Variants in PDPR observed in about 807,000 individuals in gnomAD.
PDPR encodes the protein pyruvate dehydrogenase phosphatase regulatory subunit, mitochondrial.
PDPR carries 50 observed loss-of-function variants against 102.2 expected under a neutral mutation model. That is an observed-to-expected ratio of 0.49 (90% CI 0.39 to 0.62). The LOEUF (loss-of-function observed/expected upper bound fraction) is 0.62, where lower values mean the gene tolerates loss of function less well. Among genes scored for constraint, PDPR ranks in the 20% least tolerant of loss-of-function variants. The probability of loss-of-function intolerance (pLI) is 0.00; values close to 1 mark genes in which losing one functional copy is unlikely to be tolerated. For synonymous variants in PDPR, 259 were observed against 406.0 expected, an observed-to-expected ratio of 0.64 and a Z score of 4.35; for missense variants, 625 against 1,098.2, an observed-to-expected ratio of 0.57 and a Z score of 6.09.
chr16:70,138,050 T>TTTA (rs1462792216), intron 10 of PDPR, among the ~76,000 whole-genome samples: 1 of 129,928 alleles, frequency 7.7e-6, no homozygotes, highest in East Asian at 2.2e-4. Flanking sequence ...TTTTTTTTTT[T>TTTA]TTTTTTTTGA....
intron 17 of PDPR, among the ~76,000 whole-genome samples, chr16:70,151,159 C>T (rs1439088536): frequency 6.6e-6 from 1 of 152,280 alleles, no homozygotes; most frequent in East Asian, 1.9e-4. Context: ...TGGTCTCAAT[C>T]GCCTGACCTC....
chr16:70,125,667 C>T (rs566596873), intron 3 of PDPR, among the ~76,000 whole-genome samples: 6 of 151,046 alleles, frequency 4.0e-5, no homozygotes, highest in African/African-American at 1.5e-4. Flanking sequence ...TGGAGTCTTG[C>T]TCTGTCACCC....
intron 6 of PDPR, among the ~76,000 whole-genome samples, 162 bp from the exon 7 acceptor site, chr16:70,130,261 C>G (rs1320656566): frequency 6.6e-6 from 1 of 152,284 alleles, no homozygotes; most frequent in Non-Finnish European, 1.5e-5. Context: ...ACACTCCACC[C>G]TTGGCGACAA....
chr16:70,156,272 A>G (rs1190207124), intron 18 of PDPR: 11 of 639,066 alleles, frequency 1.7e-5, no homozygotes, highest in Admixed American at 6.2e-5. Context: ...TGTTGTTACA[A>G]AAATTACCGC....
chr16:70,155,562 CT>C (rs1188228063), intron 18 of PDPR, among the ~76,000 whole-genome samples: 4 of 152,330 alleles, frequency 2.6e-5, no homozygotes, highest in African/African-American at 9.6e-5. Flanking sequence ...TGTATTTTTT[CT>C]TTTTTTAGTA....
At chr16:70,140,649 A>C (rs11864355) in intron 11 of PDPR, among the ~76,000 whole-genome samples, 7,036 of 150,664 alleles carry the variant, frequency 0.047, 167 homozygotes, top group African/African-American at 0.17. Flanking sequence ...CCCTGTCTCT[A>C]CTAAAAATAC....
rs1181602850 is a variant in PDPR at position 70,161,530 on chromosome 16, C to G, written c.*4651C>G. 2 of 152,656 alleles carry G rather than the reference C, an allele frequency of 1.3e-5. No homozygotes were observed. Among genetic ancestry groups the G allele is most frequent in the Non-Finnish European group, 2.9e-5 (2 of 68,318 alleles). 9.5% of individuals were successfully genotyped at this position (152,656 alleles called of 1,614,324 possible). A position where few individuals can be genotyped will look rare whatever the true frequency, so the allele number is the denominator to read the frequency against. On this transcript the variant is annotated 3_prime_UTR_variant, in exon 19 of 19. Coordinates refer to ENST00000288050, the MANE Select transcript of PDPR (RefSeq NM_017990.5). ...TAGACTTGTGAGGCTTGCCCCAGGC[C>G]TTGTGTACACGCAATAAGTGGTGAG...
chr16:70,124,741 G>GC, intron 3 of PDPR, among the ~76,000 whole-genome samples: 1 of 152,362 alleles, frequency 6.6e-6, no homozygotes, highest in South Asian at 2.1e-4. Context: ...CTGGGGTGGA[G>GC]CTCCACACAG....
intron 2 of PDPR, among the ~76,000 whole-genome samples, chr16:70,116,146 T>G (rs1263795719): frequency 6.8e-6 from 1 of 147,922 alleles, no homozygotes; most frequent in Non-Finnish European, 1.5e-5. Context: ...GGCGCGAATC[T>G]GCCCACTGCA....
At chr16:70,114,232 C>G (rs1165657176), upstream of PDPR, 1 of 152,230 alleles carries the variant, frequency 6.6e-6, no homozygotes, top group Non-Finnish European at 1.5e-5. Flanking sequence ...CTGCTGAGGT[C>G]ACGCGCCGGC....
At chr16:70,133,705 A>C (rs375394045) in intron 9 of PDPR, among the ~76,000 whole-genome samples, 1 of 151,746 alleles carries the variant, frequency 6.6e-6, no homozygotes, top group East Asian at 1.9e-4. Flanking sequence ...GGTGTGAGCC[A>C]CTGTGCCCAG....
intron 6 of PDPR, among the ~76,000 whole-genome samples, chr16:70,129,870 T>G (rs1351273416): frequency 2.0e-5 from 3 of 152,282 alleles, no homozygotes; most frequent in South Asian, 2.1e-4. Flanking sequence ...GCTCCATAGT[T>G]TATGATTCCA....
chr16:70,126,824 C>A lies in PDPR; in HGVS notation c.228-436C>A, dbSNP rs762078919. ...TACAGGCATGAGCCACTGTGCCTGG[C>A]CTAAACTATCCAGAATTTTAAATCT... On this transcript the variant is annotated intron_variant, in intron 3 of 18. Transcript: ENST00000288050. 3.3e-4 allele frequency among the ~76,000 whole-genome samples: 50 copies of A among 152,352 alleles called. 1 individual carries two copies. Among genetic ancestry groups the A allele is most frequent in the Middle Eastern group, 3.4e-3 (1 of 294 alleles).
At chr16:70,121,717 TTGACTC>T (rs1391152363) in intron 3 of PDPR, among the ~76,000 whole-genome samples, 1 of 151,630 alleles carries the variant, frequency 6.6e-6, no homozygotes, top group Non-Finnish European at 1.5e-5. Flanking sequence ...ATACAGGCCT[TTGACTC>T]TGATAATTCT....
rs1160472360 is a variant in PDPR, at chr16:70,159,519, C to A, written c.*2640C>A. On this transcript the variant is annotated 3_prime_UTR_variant, in exon 19 of 19. Transcript: ENST00000288050. ...ACTTTAGAGTTGATCCTTGAAGTCT[C>A]TCCTGGTTCATTCAAATACAAGCTG... 2.0e-5 allele frequency: 3 copies of A among 152,774 alleles called. No individual in the cohort carries two copies. The highest frequency in any genetic ancestry group is 7.2e-5 in the African/African-American group (3 of 41,490). The allele number at this position is 152,774 out of a possible 1,614,324, so 9.5% of individuals were successfully genotyped here.
At chr16:70,144,017 A>G (rs1348397170) in intron 14 of PDPR, among the ~76,000 whole-genome samples, 1 of 151,964 alleles carries the variant, frequency 6.6e-6, no homozygotes, top group Non-Finnish European at 1.5e-5. Flanking sequence ...TCAGCTTTCC[A>G]GGTAGCTGGG....
At chr16:70,115,828 C>G (rs1962581397) in intron 2 of PDPR, among the ~76,000 whole-genome samples, 1 of 152,014 alleles carries the variant, frequency 6.6e-6, no homozygotes, top group Non-Finnish European at 1.5e-5. Context: ...TGTTTTAAAC[C>G]AGATGATGTG....
rs202156687 is a variant in PDPR at position 70,156,666 on chromosome 16, G to A, written c.2427G>A (p.Glu809=). 8.1e-6 allele frequency: 13 copies of A among 1,614,076 alleles called. No individual in the cohort carries two copies. The East Asian group carries it at 2.9e-4, about 36-fold the overall frequency. Residue 809 remains glutamate (E), a synonymous_variant, in exon 19 of 19, where the codon GAG becomes GAA. Transcript: ENST00000288050. ...GCAGTGCCTACAGCTACAGCCTGGA[G>A]CGCCACGTTTGCCTGGGCTTTGTGC... ...TTSSAYSYSL[E]RHVCLGFVHN...
At position 70,128,232 on chromosome 16, in the gene PDPR, T is replaced by TC. The variant is rs1326339236; in HGVS notation, c.362-552_362-551insC. ...CCCTGCCCAAAACTGTCTTTTTTTT[T>TC]TTTCTTTTTTTTAAAGACAAAGTCT... is the stretch of plus-strand genomic sequence containing the variant. On this transcript the variant is annotated intron_variant, in intron 4 of 18. Coordinates refer to ENST00000288050, the MANE Select transcript of PDPR (RefSeq NM_017990.5). Among the ~76,000 whole-genome samples the TC allele has an allele frequency of 7.9e-5, 12 of 151,966 alleles. No individual in the cohort carries two copies. The East Asian group carries it at 2.3e-3, about 29-fold the overall frequency.
Sources: allele counts gnomAD v4.1 joint callset (sites outside exome capture counted in the v4.1 genomes callset), GRCh38; gene constraint gnomAD v4.1.1; transcripts MANE v1.5; gene names NCBI Gene and HGNC (gene_info 2026-07-23, HGNC 2026-07-21).